The following SYNJ1 variants were observed in gnomAD, a reference collection of about 807,000 sequenced individuals.
The protein encoded by SYNJ1 is synaptojanin 1, also known as polyphosphatidylinositol phosphatase SYNJ1.
SYNJ1 carries 78 observed loss-of-function variants against 168.2 expected under a neutral mutation model. That is an observed-to-expected ratio of 0.46 (90% CI 0.39 to 0.56). The LOEUF (loss-of-function observed/expected upper bound fraction) is 0.56. Among genes scored for constraint, SYNJ1 ranks in the 20% least tolerant of loss-of-function variants. The probability of loss-of-function intolerance (pLI) is 0.00; values close to 1 mark genes in which losing one functional copy is unlikely to be tolerated. For synonymous variants in SYNJ1, 539 were observed against 548.6 expected (o/e 0.98, Z 0.24); for missense variants, 1,303 against 1,597.6 (o/e 0.82, Z 3.14).
intron 18 of SYNJ1, among the ~76,000 whole-genome samples, chr21:32,660,415 A>G (rs1027396656): frequency 1.3e-5 from 2 of 152,254 alleles, no homozygotes; most frequent in Non-Finnish European, 2.9e-5. Context: ...TGACGTCTGT[A>G]ACACCCTAAA....
intron 18 of SYNJ1, 25 bp from the exon 19 acceptor site, chr21:32,657,897 G>A (rs2040521999): frequency 1.3e-6 from 2 of 1,586,586 alleles, no homozygotes; most frequent in African/African-American, 1.4e-5. Context: ...TACAAAGTAA[G>A]TTATTCCCAA....
chr21:32,633,273 T>C (rs1019114895), intron 32 of SYNJ1, among the ~76,000 whole-genome samples: 7 of 152,122 alleles, frequency 4.6e-5, no homozygotes, highest in African/African-American at 1.7e-4. Flanking sequence ...GAAGAGTGCT[T>C]GGAATTCCTT....
rs2039277560 is a variant in SYNJ1 at position 32,630,460 on chromosome 21, A to G, written c.*1345T>C. 1 of 152,780 alleles carries G rather than the reference A, an allele frequency of 6.5e-6. No homozygotes were observed. Among genetic ancestry groups the G allele is most frequent in the African/African-American group, 2.4e-5 (1 of 41,468 alleles). The allele number at this position is 152,780 out of a possible 1,614,324, so 9.5% of individuals were successfully genotyped here. On this transcript the variant is annotated 3_prime_UTR_variant, in exon 33 of 33. Transcript: ENST00000674351. ...TGGTCTGAGTTATAGCCTAGAAATT[A>G]AAGTATGAATTGTAAAAATATGTAA... is the stretch of plus-strand genomic sequence containing the variant.
chr21:32,728,108 C>T, upstream of SYNJ1: 2 of 1,478,852 alleles, frequency 1.4e-6, no homozygotes, highest in South Asian at 1.3e-5. Context: ...GGAGGGAGAC[C>T]ACGCCCACTC....
chr21:32,657,244 C>T (rs1268357826), intron 19 of SYNJ1, 124 bp from the exon 20 acceptor site: 1 of 666,972 alleles, frequency 1.5e-6, no homozygotes, highest in East Asian at 2.7e-5. Flanking sequence ...GCCAGAAACA[C>T]TTGGTAATAG....
chr21:32,687,272 T>C (rs1169791906), intron 7 of SYNJ1, among the ~76,000 whole-genome samples, 198 bp from the exon 8 acceptor site: 1 of 152,228 alleles, frequency 6.6e-6, no homozygotes. Flanking sequence ...CTCTGACTTA[T>C]GGGTACTGAG....
chr21:32,683,642 T>G, intron 10 of SYNJ1, among the ~76,000 whole-genome samples: 1 of 152,060 alleles, frequency 6.6e-6, no homozygotes, highest in East Asian at 1.9e-4. Flanking sequence ...ATTGTACATA[T>G]GAAAATAGAC....
chr21:32,685,713 C>T, intron 9 of SYNJ1, 35 bp downstream of exon 9: 2 of 1,448,272 alleles, frequency 1.4e-6, no homozygotes, highest in Non-Finnish European at 1.8e-6. Flanking sequence ...AATTAATGTT[C>T]CAATTCAAAG....
intron 14 of SYNJ1, among the ~76,000 whole-genome samples, chr21:32,671,709 T>C (rs2041196465): frequency 6.6e-6 from 1 of 152,224 alleles, no homozygotes; most frequent in Non-Finnish European, 1.5e-5. Flanking sequence ...TAGTGTTAGC[T>C]GTTATTTTAT....
chr21:32,632,830 GC>G (rs2039398950), intron 32 of SYNJ1, among the ~76,000 whole-genome samples: 1 of 152,066 alleles, frequency 6.6e-6, no homozygotes, highest in South Asian at 2.1e-4. Context: ...GACCAGCCTG[GC>G]CAACATAATG....
chr21:32,652,012 T>A (rs1433532828), intron 22 of SYNJ1, among the ~76,000 whole-genome samples: 2 of 152,214 alleles, frequency 1.3e-5, no homozygotes, highest in Non-Finnish European at 2.9e-5. Context: ...CCATTTGTAT[T>A]TACATATGTA....
rs202234473 is a variant in SYNJ1 at position 32,685,821 on chromosome 21, T to C, written c.1045A>G (p.Ser349Gly). 137 of 1,613,278 alleles carry C rather than the reference T, an allele frequency of 8.5e-5. No homozygotes were observed. Among genetic ancestry groups the C allele is most frequent in the African/African-American group, 2.7e-5 (2 of 74,914 alleles). Residue 349 changes from serine (S) to glycine (G), a missense_variant, in exon 9 of 33, where the codon AGT becomes GGT. By Grantham distance (56) the Ser-to-Gly change is moderately conservative (BLOSUM62 0). Coordinates refer to ENST00000674351, the MANE Select transcript of SYNJ1 (RefSeq NM_203446.3). Reference protein sequence around the residue: ...VKGGKAEKLHSVLKPQVQKFL... With the variant: ...VKGGKAEKLHGVLKPQVQKFL... ...TTCTGGACTTGAGGTTTAAGAACAC[T>C]ATGTAATTTTTCTGCCTTTCCTCCC...
intron 32 of SYNJ1, among the ~76,000 whole-genome samples, chr21:32,632,440 C>T (rs1200314215): frequency 6.6e-6 from 1 of 151,164 alleles, no homozygotes; most frequent in East Asian, 1.9e-4. Flanking sequence ...GGCTGGAGTG[C>T]AATGGCACGA....
intron 31 of SYNJ1, 31 bp from the exon 32 acceptor site, chr21:32,634,915 A>C (rs1377066042): frequency 6.2e-7 from 1 of 1,613,260 alleles, no homozygotes; most frequent in Admixed American, 1.7e-5. Context: ...ATCAAAGGAA[A>C]GAGTTAGGAG....
At position 32,678,348 on chromosome 21, in the gene SYNJ1, T is replaced by G. The variant is rs544595996; in HGVS notation, c.1510+297A>C. Among the ~76,000 whole-genome samples, 3 of 152,332 alleles carry G rather than the reference T, an allele frequency of 2.0e-5. No homozygotes were observed. The South Asian group carries it at 6.2e-4, about 32-fold the overall frequency. On this transcript the variant is annotated intron_variant, in intron 12 of 32. Transcript: ENST00000674351. ...CTGTATTACAAGTACTAGCTGAATA[T>G]TCTATGAAATACTGCCTTGTACAAA...
At chr21:32,642,178 T>G (rs368844575) in intron 27 of SYNJ1, 45 bp from the exon 28 acceptor site, 101 of 1,606,466 alleles carry the variant, frequency 6.3e-5, no homozygotes, top group Admixed American at 4.8e-4. Flanking sequence ...AAGTTAACAA[T>G]TAAGCAATAT....
chr21:32,710,866 G>A (rs936377295), intron 2 of SYNJ1, among the ~76,000 whole-genome samples: 2 of 152,008 alleles, frequency 1.3e-5, no homozygotes, highest in African/African-American at 2.4e-5. Context: ...GGTAAATATT[G>A]TTATACCCTG....
intron 30 of SYNJ1, 90 bp from the exon 31 acceptor site, chr21:32,639,215 G>T: frequency 8.2e-7 from 1 of 1,215,800 alleles, no homozygotes; most frequent in Non-Finnish European, 1.1e-6. Context: ...GAACATTCTA[G>T]TTATTTCTTC....
rs1180695817 is a variant in SYNJ1 at position 32,700,861 on chromosome 21, C to T, written c.212-756G>A. 2.6e-5 allele frequency among the ~76,000 whole-genome samples: 4 copies of T among 152,022 alleles called. No individual in the cohort carries two copies. The East Asian group carries it at 7.7e-4, about 29-fold the overall frequency. On this transcript the variant is annotated intron_variant, in intron 3 of 32. Coordinates refer to ENST00000674351, the MANE Select transcript of SYNJ1 (RefSeq NM_203446.3). Reference sequence around the variant, plus strand: ...GCTGATGATGTTGATGACAAATGGACAAAAGTCTCTGGTAACAACTTATAA... The same window carrying T: ...GCTGATGATGTTGATGACAAATGGATAAAAGTCTCTGGTAACAACTTATAA...
Sources: gnomAD v4.1 joint callset for allele counts (sites outside exome capture counted in the v4.1 genomes callset) on GRCh38, gnomAD v4.1.1 for gene constraint, MANE v1.5 for transcripts, NCBI Gene and HGNC (gene_info 2026-07-23, HGNC 2026-07-21) for gene names.